Variants in ADCY1 observed in about 807,000 individuals in gnomAD.
ADCY1 encodes adenylate cyclase type 1.
A neutral mutation model predicts 105.4 loss-of-function variants in ADCY1; 28 were observed. That is an observed-to-expected ratio of 0.27 (90% CI 0.20 to 0.36). The LOEUF is 0.36. Ranked by LOEUF, ADCY1 falls within the 10% of genes least tolerant of loss-of-function variation. ADCY1 has a pLI of 1.00. For synonymous variants in ADCY1, 655 were observed against 623.8 expected, an observed-to-expected ratio of 1.05 and a Z score of -0.75; for missense variants, 977 against 1,434.2, an observed-to-expected ratio of 0.68 and a Z score of 5.15.
Position 45,713,776 on chromosome 7 carries a change from C to T in ADCY1, c.3141C>T (p.Gly1047=), listed in dbSNP as rs763848529. Residue 1047 remains glycine, a synonymous_variant, in exon 20 of 20, where the codon GGC becomes GGT. Transcript: ENST00000297323. ...GCAAAGTCAGTGTCAAGGGCAAAGG[C>T]GAGATGTTGACATACTTTCTAGAAG... ...CRGKVSVKGK[G]EMLTYFLEGR... The T allele has an allele frequency of 7.7e-6, 6 of 780,790 alleles. No homozygotes were observed. Among genetic ancestry groups the T allele is most frequent in the African/African-American group, 5.1e-5 (3 of 59,168 alleles). The allele number at this position is 780,790 out of a possible 1,614,324, so 48.4% of individuals were successfully genotyped here. A position where few individuals can be genotyped will look rare whatever the true frequency, so the allele number is the denominator to read the frequency against.
intron 19 of ADCY1, among the ~76,000 whole-genome samples, chr7:45,711,607 G>A (rs909834858): frequency 1.4e-5 from 1 of 70,808 alleles, no homozygotes; most frequent in Non-Finnish European, 2.8e-5. Context: ...ACTTCGTGCT[G>A]TATATATATA....
At chr7:45,601,338 G>A (rs1793230819) in intron 2 of ADCY1, among the ~76,000 whole-genome samples, 1 of 152,198 alleles carries the variant, frequency 6.6e-6, no homozygotes, top group African/African-American at 2.4e-5. Flanking sequence ...CTGTGGCTGG[G>A]CAGCTCCCTA....
chr7:45,694,401 T>C (rs903640346), intron 14 of ADCY1, among the ~76,000 whole-genome samples: 3 of 152,084 alleles, frequency 2.0e-5, no homozygotes, highest in Non-Finnish European at 4.4e-5. Context: ...AACAGGAAAT[T>C]AGAAAGTAAT....
chr7:45,655,070 C>T (rs763259794), intron 5 of ADCY1, among the ~76,000 whole-genome samples: 1 of 152,044 alleles, frequency 6.6e-6, no homozygotes, highest in Non-Finnish European at 1.5e-5. Context: ...TCTTTTTTTC[C>T]CCCTGTTATG....
intron 3 of ADCY1, among the ~76,000 whole-genome samples, chr7:45,614,219 A>T (rs1401593628): frequency 6.6e-6 from 1 of 152,198 alleles, no homozygotes; most frequent in African/African-American, 2.4e-5. Flanking sequence ...ATGTTAAAAT[A>T]TATACTATAT....
chr7:45,581,917 C>G (rs894635960), intron 1 of ADCY1, among the ~76,000 whole-genome samples: 1 of 152,200 alleles, frequency 6.6e-6, no homozygotes, highest in South Asian at 2.1e-4. Context: ...ATTCTCCCCC[C>G]AAACATGCAT....
chr7:45,581,405 TC>T (rs888746436), intron 1 of ADCY1, among the ~76,000 whole-genome samples: 1 of 152,182 alleles, frequency 6.6e-6, no homozygotes, highest in Non-Finnish European at 1.5e-5. Context: ...TGGGAGAGAC[TC>T]CCAGAATGCA....
At chr7:45,645,667 G>C (rs1018925096) in intron 4 of ADCY1, among the ~76,000 whole-genome samples, 4 of 152,138 alleles carry the variant, frequency 2.6e-5, no homozygotes, top group African/African-American at 9.7e-5. Flanking sequence ...TGGGAACACA[G>C]CTCAGAGCTG....
At chr7:45,668,187 G>A (rs556479113) in intron 8 of ADCY1, among the ~76,000 whole-genome samples, 1 of 152,172 alleles carries the variant, frequency 6.6e-6, no homozygotes, top group South Asian at 2.1e-4. Flanking sequence ...TGGTGAGAGA[G>A]GGCATCCCTG....
Position 45,575,535 on chromosome 7 carries a change from G to A in ADCY1, c.639+353G>A, listed in dbSNP as rs1454188957. ...TTTGCCGCACCCATCCCCACAGAGG[G>A]ACTGAAAGTGGGCGAGGAGAGCAGA... On this transcript the variant is annotated intron_variant, in intron 1 of 19. Transcript: ENST00000297323. The surrounding 1 kb of genome is among the most constrained non-coding windows in gnomAD (Gnocchi z 4.7). Among the ~76,000 whole-genome samples the A allele has an allele frequency of 1.3e-5, 2 of 152,258 alleles. No homozygotes were observed. The highest frequency in any genetic ancestry group is 2.4e-5 in the African/African-American group (1 of 41,478).
chr7:45,714,317 G>T lies in ADCY1; in HGVS notation c.*322G>T. The T allele has an allele frequency of 2.7e-6, 1 of 368,242 alleles. No individual in the cohort carries two copies. The highest frequency in any genetic ancestry group is 5.0e-6 in the Non-Finnish European group (1 of 201,568). The allele number at this position is 368,242 out of a possible 1,614,324, so 22.8% of individuals were successfully genotyped here. A position where few individuals can be genotyped will look rare whatever the true frequency, so the allele number is the denominator to read the frequency against. ...CAGCAAGCCTGTTCAGGTTTGGCCA[G>T]GTCGGCATCAATGTAAGGACCTTCA... On this transcript the variant is annotated 3_prime_UTR_variant, in exon 20 of 20. Transcript: ENST00000297323.
At chr7:45,648,625 C>T (rs1794730097) in intron 4 of ADCY1, 45 bp from the exon 5 acceptor site, 1 of 1,611,562 alleles carries the variant, frequency 6.2e-7, no homozygotes, top group Non-Finnish European at 8.5e-7. Flanking sequence ...CGCTCACAGC[C>T]TCTGTAGCGC....
At chr7:45,677,725 C>A in intron 8 of ADCY1, 144 bp from the exon 9 acceptor site, 1 of 852,304 alleles carries the variant, frequency 1.2e-6, no homozygotes, top group Non-Finnish European at 1.8e-6. Flanking sequence ...TCACCACCAG[C>A]AGGGCAGAGT....
In ADCY1 at chr7:45,708,420, A is replaced by G. The variant is rs1394074238; in HGVS notation, c.2888A>G (p.Asp963Gly). ...GCCATTGAGATGTTTGACGTTCTGG[A>G]TGAAATCAACTACCAGTCTTACAAC... Reference protein sequence around the residue: ...DFAIEMFDVLDEINYQSYNDF... With the variant: ...DFAIEMFDVLGEINYQSYNDF... The change falls in exon 18 of 20, where the codon GAT becomes GGT. Residue 963 changes from aspartate to glycine, a missense_variant. Physicochemically the swap from Asp to Gly is moderately conservative, Grantham distance 94. This residue lies in a region of ADCY1 where 152 missense variants were observed against 293.7 expected (regional missense o/e 0.52). Coordinates refer to ENST00000297323, the MANE Select transcript of ADCY1 (RefSeq NM_021116.4). This position sits in a 1 kb window ranked among gnomAD's most constrained non-coding sequence, Gnocchi z 4.7. 2 of 1,614,168 alleles carry G rather than the reference A, an allele frequency of 1.2e-6. No homozygotes were observed. The highest frequency in any genetic ancestry group is 1.1e-5 in the South Asian group (1 of 91,076).
chr7:45,675,493 T>C (rs1245261482), intron 8 of ADCY1, among the ~76,000 whole-genome samples: 2 of 152,164 alleles, frequency 1.3e-5, no homozygotes, highest in Non-Finnish European at 1.5e-5. Context: ...TGTTCCAACA[T>C]TCCTTCTTTT....
intron 14 of ADCY1, among the ~76,000 whole-genome samples, chr7:45,690,867 G>A (rs1192659930): frequency 1.3e-5 from 2 of 152,246 alleles, no homozygotes; most frequent in East Asian, 1.9e-4. Context: ...GCCTCTCTGG[G>A]TTCAGATCTT....
intron 5 of ADCY1, among the ~76,000 whole-genome samples, chr7:45,655,751 C>G (rs958137382): frequency 6.6e-6 from 1 of 152,044 alleles, no homozygotes; most frequent in Non-Finnish European, 1.5e-5. Context: ...CTTTGGTGAG[C>G]TCGAGGGGAT....
intron 1 of ADCY1, among the ~76,000 whole-genome samples, chr7:45,581,167 G>T (rs1226731107): frequency 1.3e-5 from 2 of 152,144 alleles, no homozygotes; most frequent in African/African-American, 4.8e-5. Context: ...GGGAACAGTA[G>T]CTCCCTTCTG....
intron 8 of ADCY1, chr7:45,664,523 TG>T: frequency 7.3e-7 from 1 of 1,377,886 alleles, no homozygotes. Context: ...ATGGAAAATA[TG>T]GAGAACACAA....
Sources: gnomAD v4.1 joint callset for allele counts (sites outside exome capture counted in the v4.1 genomes callset) on GRCh38, gnomAD v4.1.1 for gene constraint, gnomAD v4.1.1 regional missense constraint, Gnocchi (gnomAD v3.1) non-coding constraint, MANE v1.5 for transcripts, NCBI Gene and HGNC (gene_info 2026-07-23, HGNC 2026-07-21) for gene names.